ZNF672: variants seen among roughly 807,000 people sequenced by gnomAD.
ZNF672 encodes hypothetical protein FLJ22301.
For missense variants in ZNF672, 733 were observed against 701.1 expected (o/e 1.05, Z -0.51); for synonymous variants, 358 against 305.6 (o/e 1.17, Z -1.79).
chr1:248,843,779 A>G (rs923651881), intron 1 of ZNF672, among the ~76,000 whole-genome samples: 2 of 151,806 alleles, frequency 1.3e-5, no homozygotes, highest in Admixed American at 1.3e-4. Flanking sequence ...TTCTTTTTTA[A>G]TACTAAGTCT....
At chr1:248,839,129 C>G (rs1664628359) in intron 1 of ZNF672, 1 of 152,346 alleles carries the variant, frequency 6.6e-6, no homozygotes, top group African/African-American at 2.4e-5. Flanking sequence ...GTACCAGGCA[C>G]CAAGTCCCCA....
chr1:248,842,985 C>T (rs533437253), intron 1 of ZNF672, among the ~76,000 whole-genome samples: 23 of 152,264 alleles, frequency 1.5e-4, no homozygotes, highest in African/African-American at 5.5e-4. Context: ...ACCCCCTTGT[C>T]CCCTGGCTGC....
chr1:248,844,421 G>A (rs1664725085), intron 1 of ZNF672, 62 bp from the exon 2 acceptor site: 1 of 152,160 alleles, frequency 6.6e-6, no homozygotes, highest in Non-Finnish European at 1.5e-5. Flanking sequence ...TCAGGAGAGT[G>A]GGGATTAGGA....
rs531390210 is a variant in ZNF672 at position 248,845,663 on chromosome 1, G to A, written c.-224+1G>A. ...GAAGCTCCAGAGCCCAGACTTGCAG[G>A]TTTGCTATTTTCACTTTACCCCATT... is the stretch of plus-strand genomic sequence containing the variant. On this transcript the variant is annotated splice_donor_variant, in intron 3 of 3. Coordinates refer to ENST00000306562, the MANE Select transcript of ZNF672 (RefSeq NM_024836.3). LOFTEE classifies it low-confidence loss of function (5UTR_SPLICE). The A allele has an allele frequency of 6.6e-6, 1 of 152,126 alleles. No individual in the cohort carries two copies. The highest frequency in any genetic ancestry group is 2.4e-5 in the African/African-American group (1 of 41,428). The allele number at this position is 152,126 out of a possible 1,614,324, so 9.4% of individuals were successfully genotyped here. A position where few individuals can be genotyped will look rare whatever the true frequency, so the allele number is the denominator to read the frequency against.
rs777905104 is a variant in ZNF672, at chr1:248,848,217, G to A, written c.943G>A (p.Glu315Lys). ...GGGCGAGAAGCCCTTCGCGTGCCCC[G>A]AGTGCGGCCGCCGCTTCAGCGACCG... ...HTGEKPFACP[E>K]CGRRFSDRSD... Residue 315 changes from glutamate (E) to lysine (K), a missense_variant, in exon 4 of 4, where the codon GAG becomes AAG. Transcript: ENST00000306562. The A allele has an allele frequency of 6.3e-7, 1 of 1,599,818 alleles. No homozygotes were observed. The highest frequency in any genetic ancestry group is 1.1e-5 in the South Asian group (1 of 90,616).
At position 248,847,796 on chromosome 1, in the gene ZNF672, C is replaced by A; in HGVS notation, c.522C>A (p.Ser174Arg). 1.9e-6 allele frequency: 3 copies of A among 1,540,218 alleles called. No homozygotes were observed. Among genetic ancestry groups the A allele is most frequent in the East Asian group, 2.4e-5 (1 of 41,102 alleles). ...RCAQCPRAFR[S>R]GAGLRSHARI... ...CGCAGTGCCCGCGAGCCTTCCGAAG[C>A]GGCGCCGGGCTGCGGAGTCACGCGC... is the stretch of plus-strand genomic sequence containing the variant. The change falls in exon 4 of 4, where the codon AGC becomes AGA. Residue 174 changes from serine to arginine, a missense_variant. By Grantham distance (110) the Ser-to-Arg change is moderately radical. Coordinates refer to ENST00000306562, the MANE Select transcript of ZNF672 (RefSeq NM_024836.3).
chr1:248,847,216 C>T lies in ZNF672; in HGVS notation c.-59C>T. 2.6e-6 allele frequency: 4 copies of T among 1,553,244 alleles called. No homozygotes were observed. The highest frequency in any genetic ancestry group is 1.2e-5 in the South Asian group (1 of 83,006). ...TAAGAGAAGTAAAACTTAGCTGCAG[C>T]GTCAGGAGGTGGACCCCAGAGTGTG... On this transcript the variant is annotated 5_prime_UTR_variant, in exon 4 of 4. Coordinates refer to ENST00000306562, the MANE Select transcript of ZNF672 (RefSeq NM_024836.3).
rs527919437 is a variant in ZNF672, at chr1:248,848,812, T to C, written c.*179T>C. The C allele has an allele frequency of 6.1e-5, 56 of 921,542 alleles. No individual in the cohort carries two copies. The highest frequency in any genetic ancestry group is 9.1e-5 in the Non-Finnish European group (52 of 574,160). The allele number at this position is 921,542 out of a possible 1,614,324, so 57.1% of individuals were successfully genotyped here. A position where few individuals can be genotyped will look rare whatever the true frequency, so the allele number is the denominator to read the frequency against. ...CCTCCTGCCTCGCCTCTACACCTAC[T>C]ACCCTGTCGGCCCTTTTGCCATGCT... On this transcript the variant is annotated 3_prime_UTR_variant, in exon 4 of 4. Coordinates refer to ENST00000306562, the MANE Select transcript of ZNF672 (RefSeq NM_024836.3).
intron 1 of ZNF672, among the ~76,000 whole-genome samples, chr1:248,840,550 TTGTA>T (rs1233388216): frequency 1.3e-5 from 2 of 152,274 alleles, no homozygotes; most frequent in Non-Finnish European, 2.9e-5. Context: ...AGCAGAATAT[TTGTA>T]TGTGCAGTGC....
Position 248,847,285 on chromosome 1 carries a change from C to T in ZNF672, c.11C>T (p.Thr4Ile), listed in dbSNP as rs150441764. ...GAACCCGTCCTCACCATGTTTGCCA[C>T]ATCTGGGGCAGTGGCAGCGGGGAAG... is the stretch of plus-strand genomic sequence containing the variant. MFA[T>I]SGAVAAGKPY... Residue 4 changes from threonine (T) to isoleucine (I), a missense_variant, in exon 4 of 4, where the codon ACA (threonine) becomes ATA (isoleucine). Transcript: ENST00000306562. The T allele has an allele frequency of 5.6e-6, 9 of 1,601,246 alleles. No homozygotes were observed. The African/African-American group carries it at 9.4e-5, about 17-fold the overall frequency.
At position 248,847,787 on chromosome 1, in the gene ZNF672, C is replaced by T. The variant is rs1229132517; in HGVS notation, c.513C>T (p.Ala171=). ...PPHRCAQCPR[A]FRSGAGLRSH... is the part of the protein sequence containing the mutation. Reference sequence around the variant, plus strand: ...ACCGCTGCGCGCAGTGCCCGCGAGCCTTCCGAAGCGGCGCCGGGCTGCGGA... The same window carrying T: ...ACCGCTGCGCGCAGTGCCCGCGAGCTTTCCGAAGCGGCGCCGGGCTGCGGA... Residue 171 remains alanine, a synonymous_variant, in exon 4 of 4, where the codon GCC becomes GCT. Coordinates refer to ENST00000306562, the MANE Select transcript of ZNF672 (RefSeq NM_024836.3). 1 of 1,538,470 alleles carries T rather than the reference C, an allele frequency of 6.5e-7. No individual in the cohort carries two copies. The highest frequency in any genetic ancestry group is 8.7e-7 in the Non-Finnish European group (1 of 1,145,302).
At chr1:248,841,688 G>T (rs1664681691) in intron 1 of ZNF672, among the ~76,000 whole-genome samples, 1 of 152,238 alleles carries the variant, frequency 6.6e-6, no homozygotes, top group Admixed American at 6.5e-5. Context: ...TTGGGAGGCT[G>T]AAGCAGGAGG....
intron 3 of ZNF672, among the ~76,000 whole-genome samples, chr1:248,846,567 A>C (rs1463008094): frequency 6.6e-6 from 1 of 152,156 alleles, no homozygotes; most frequent in Admixed American, 6.5e-5. Context: ...TTTGTGCTTC[A>C]TCACATTACC....
rs1385576735 is a variant in ZNF672 at position 248,847,058 on chromosome 1, G to C, written c.-217G>C. ...AATGACCTTCTCCCCACAGGCTCAC[G>C]GTGCAGGGTGAACCTGGCCACAGCT... On this transcript the variant is annotated 5_prime_UTR_variant, in exon 4 of 4. Coordinates refer to ENST00000306562, the MANE Select transcript of ZNF672 (RefSeq NM_024836.3). 1 of 595,082 alleles carries C rather than the reference G, an allele frequency of 1.7e-6. No homozygotes were observed. Among genetic ancestry groups the C allele is most frequent in the African/African-American group, 1.9e-5 (1 of 53,936 alleles). 36.9% of individuals were successfully genotyped at this position (595,082 alleles called of 1,614,324 possible). A position where few individuals can be genotyped will look rare whatever the true frequency, so the allele number is the denominator to read the frequency against.
intron 2 of ZNF672, among the ~76,000 whole-genome samples, chr1:248,845,104 A>G (rs1025401949): frequency 1.1e-4 from 17 of 152,240 alleles, no homozygotes; most frequent in African/African-American, 3.6e-4. Context: ...CTCTACTAAA[A>G]ATACAAAAAT....
At chr1:248,843,440 G>T (rs1664708977) in intron 1 of ZNF672, among the ~76,000 whole-genome samples, 1 of 152,192 alleles carries the variant, frequency 6.6e-6, no homozygotes, top group South Asian at 2.1e-4. Flanking sequence ...GGAGAGGGCA[G>T]CTAGGAACTA....
rs539342984 is a variant in ZNF672 at position 248,844,776 on chromosome 1, G to A, written c.-321+140G>A. ...GGTTTGAGAGGTGCCATGGTCTCCA[G>A]ATACCCGAGGAGGAGGCAGAGCACT... On this transcript the variant is annotated intron_variant, in intron 2 of 3. Coordinates refer to ENST00000306562, the MANE Select transcript of ZNF672 (RefSeq NM_024836.3). 1.0e-4 allele frequency: 16 copies of A among 152,410 alleles called. No homozygotes were observed. The East Asian group carries it at 3.1e-3, about 29-fold the overall frequency. 9.4% of individuals were successfully genotyped at this position (152,410 alleles called of 1,614,324 possible). A position where few individuals can be genotyped will look rare whatever the true frequency, so the allele number is the denominator to read the frequency against.
Position 248,848,493 on chromosome 1 carries a change from A to G in ZNF672, c.1219A>G (p.Ser407Gly). 3 of 1,604,494 alleles carry G rather than the reference A, an allele frequency of 1.9e-6. No individual in the cohort carries two copies. The highest frequency in any genetic ancestry group is 2.6e-6 in the Non-Finnish European group (3 of 1,175,564). ...AGAGTGCGGCAAGTGCTTCAGCCAC[A>G]GCCGCTCGCTGTCACAGCATCAGCG... ...CAECGKCFSH[S>G]RSLSQHQRAH... The change falls in exon 4 of 4, where the codon AGC becomes GGC. Residue 407 changes from serine (S) to glycine (G), a missense_variant. Coordinates refer to ENST00000306562, the MANE Select transcript of ZNF672 (RefSeq NM_024836.3).
intron 3 of ZNF672, 131 bp downstream of exon 3, chr1:248,845,793 T>C (rs796085043): frequency 7.9e-5 from 12 of 152,306 alleles, no homozygotes; most frequent in African/African-American, 2.9e-4. Context: ...AGCTGACCAT[T>C]TTGTTTGTGT....
Sources: gnomAD v4.1 joint callset for allele counts (sites outside exome capture counted in the v4.1 genomes callset) on GRCh38, gnomAD v4.1.1 for gene constraint, MANE v1.5 for transcripts, NCBI Gene and HGNC (gene_info 2026-07-23, HGNC 2026-07-21) for gene names.